The following GALNT14 variants were observed in gnomAD, a reference collection of about 807,000 sequenced individuals.
GALNT14 encodes polypeptide N-acetylgalactosaminyltransferase 14, also known as UDP-GalNAc:polypeptide N-acetylgalactosaminyltransferase 14.
GALNT14 carries 60 observed loss-of-function variants against 77.5 expected under a neutral mutation model. The ratio of observed to expected loss-of-function variants is 0.77; its 90% CI spans 0.63 to 0.96. The LOEUF (loss-of-function observed/expected upper bound fraction) is 0.96. Among genes scored for constraint, GALNT14 ranks in the 40% least tolerant of loss-of-function variants. The probability of loss-of-function intolerance (pLI) is 0.00; values close to 1 mark genes in which losing one functional copy is unlikely to be tolerated. For synonymous variants in GALNT14, 280 were observed against 281.7 expected (o/e 0.99, Z 0.06); for missense variants, 710 against 731.0 (o/e 0.97, Z 0.33).
At chr2:31,084,957 A>G (rs1676348054) in intron 1 of GALNT14, among the ~76,000 whole-genome samples, 1 of 152,010 alleles carries the variant, frequency 6.6e-6, no homozygotes, top group Non-Finnish European at 1.5e-5. Flanking sequence ...CCTGGGAGGC[A>G]GAGGCTGCAG....
In GALNT14 at chr2:30,945,841, G is replaced by A. The variant is rs772233670; in HGVS notation, c.684C>T (p.Ile228=). 5.0e-6 allele frequency: 8 copies of A among 1,613,976 alleles called. No homozygotes were observed. The highest frequency in any genetic ancestry group is 6.8e-6 in the Non-Finnish European group (8 of 1,180,008). ...TGAAGGTGTCCAGGTTAATGATATC[G>A]ATCACAGGGCACACCACCCGCGTGT... ...EDYTRVVCPV[I]DIINLDTFTY... Residue 228 remains isoleucine (I), a synonymous_variant, in exon 7 of 15, where the codon ATC becomes ATT. Transcript: ENST00000349752.
At chr2:31,036,508 C>T (rs1286574447) in intron 1 of GALNT14, among the ~76,000 whole-genome samples, 4 of 152,086 alleles carry the variant, frequency 2.6e-5, no homozygotes, top group African/African-American at 7.2e-5. Flanking sequence ...CTTTATGTGG[C>T]TGTCTTTTAA....
At chr2:30,943,656 C>G (rs534949395) in intron 8 of GALNT14, among the ~76,000 whole-genome samples, 15 of 152,206 alleles carry the variant, frequency 9.9e-5, no homozygotes, top group Non-Finnish European at 1.5e-4. Flanking sequence ...TGCACTGCCC[C>G]TGGTGAGGAG....
chr2:31,123,930 C>A (rs1386443829), intron 1 of GALNT14, among the ~76,000 whole-genome samples: 4 of 152,194 alleles, frequency 2.6e-5, no homozygotes, highest in Non-Finnish European at 5.9e-5. Flanking sequence ...ACAGTTGTAT[C>A]TTTCCAGTAA....
intron 1 of GALNT14, among the ~76,000 whole-genome samples, chr2:31,013,416 C>G (rs550004321): frequency 5.8e-4 from 89 of 152,272 alleles, no homozygotes; most frequent in African/African-American, 2.1e-3. Flanking sequence ...AAGAAATCAT[C>G]AAGCACCCAG....
At chr2:31,092,055 C>G (rs1676771633) in intron 1 of GALNT14, among the ~76,000 whole-genome samples, 1 of 152,126 alleles carries the variant, frequency 6.6e-6, no homozygotes, top group Admixed American at 6.6e-5. Context: ...ACTCTAAGTT[C>G]TTCAGCTTTT....
intron 9 of GALNT14, 76 bp from the exon 10 acceptor site, chr2:30,932,270 C>T (rs1036803017): frequency 1.7e-5 from 23 of 1,324,564 alleles, no homozygotes; most frequent in African/African-American, 1.5e-4. Flanking sequence ...TCTAATGAAA[C>T]GGTGAGGCCC....
At chr2:30,993,807 G>A (rs1046216346) in intron 1 of GALNT14, among the ~76,000 whole-genome samples, 2 of 152,172 alleles carry the variant, frequency 1.3e-5, no homozygotes, top group Admixed American at 6.5e-5. Context: ...AGGTGGGAAG[G>A]GGCAGAGCTC....
intron 1 of GALNT14, among the ~76,000 whole-genome samples, chr2:31,019,036 GCA>G (rs146429004): frequency 0.062 from 9,445 of 152,118 alleles, 362 homozygotes; most frequent in Middle Eastern, 0.13. Flanking sequence ...GCTTTATTGG[GCA>G]CCATCTCACA....
chr2:31,000,273 G>A (rs934783537), intron 1 of GALNT14, among the ~76,000 whole-genome samples: 4 of 152,136 alleles, frequency 2.6e-5, no homozygotes, highest in Non-Finnish European at 4.4e-5. Context: ...GCAATTCCAC[G>A]TTGTCCAACT....
intron 1 of GALNT14, among the ~76,000 whole-genome samples, chr2:31,100,471 CT>C (rs1677214981): frequency 6.6e-6 from 1 of 151,948 alleles, no homozygotes; most frequent in African/African-American, 2.4e-5. Flanking sequence ...AGTTAATTAT[CT>C]TTTGTTTTCT....
At chr2:31,036,931 C>T (rs1672768974) in intron 1 of GALNT14, among the ~76,000 whole-genome samples, 1 of 152,166 alleles carries the variant, frequency 6.6e-6, no homozygotes, top group African/African-American at 2.4e-5. Context: ...CTGTCTTCAT[C>T]TTTGACATTT....
At chr2:30,970,674 G>A (rs1393669569) in intron 2 of GALNT14, among the ~76,000 whole-genome samples, 1 of 152,044 alleles carries the variant, frequency 6.6e-6, no homozygotes, top group Non-Finnish European at 1.5e-5. Flanking sequence ...TTGTCCTCCT[G>A]GTCTCTGAGA....
chr2:31,096,296 A>C (rs1466594136), intron 1 of GALNT14, among the ~76,000 whole-genome samples: 1 of 152,170 alleles, frequency 6.6e-6, no homozygotes, highest in African/African-American at 2.4e-5. Flanking sequence ...TCAGTTTCTG[A>C]GAATTAGGAT....
intron 1 of GALNT14, chr2:31,129,314 T>C (rs1678862055): frequency 1.1e-6 from 1 of 908,418 alleles, no homozygotes; most frequent in East Asian, 1.2e-4. Context: ...GAGGCAACTG[T>C]GGATATAAAT....
chr2:30,948,629 T>G (rs1055761362), intron 6 of GALNT14, among the ~76,000 whole-genome samples: 12 of 152,232 alleles, frequency 7.9e-5, no homozygotes, highest in Non-Finnish European at 1.6e-4. Context: ...CTGTACAACC[T>G]ACTGGGAAAG....
chr2:31,096,016 T>C (rs1177503951), intron 1 of GALNT14, among the ~76,000 whole-genome samples: 1 of 152,168 alleles, frequency 6.6e-6, no homozygotes, highest in East Asian at 1.9e-4. Flanking sequence ...TCCTTCTCTT[T>C]TCCACCTTCT....
At chr2:30,959,217 C>T (rs1365782920) in intron 3 of GALNT14, among the ~76,000 whole-genome samples, 1 of 152,164 alleles carries the variant, frequency 6.6e-6, no homozygotes, top group African/African-American at 2.4e-5. Flanking sequence ...TTGCTTCCTC[C>T]TCTGGGATCT....
At chr2:31,103,051 T>A (rs1677360003) in intron 1 of GALNT14, among the ~76,000 whole-genome samples, 1 of 152,138 alleles carries the variant, frequency 6.6e-6, no homozygotes, top group South Asian at 2.1e-4. Flanking sequence ...AACTTAGAAT[T>A]GGGTTGTGGT....
Sources: allele counts gnomAD v4.1 joint callset (sites outside exome capture counted in the v4.1 genomes callset), GRCh38; gene constraint gnomAD v4.1.1; transcripts MANE v1.5; gene names NCBI Gene and HGNC (gene_info 2026-07-23, HGNC 2026-07-21).